The following STARD13 variants were observed in gnomAD, a reference collection of about 807,000 sequenced individuals.
STARD13 encodes the protein stAR-related lipid transfer protein 13.
In STARD13, 62 loss-of-function variants were observed where a neutral mutation model predicts 106.4. The ratio of observed to expected loss-of-function variants is 0.58; its 90% CI spans 0.48 to 0.72. STARD13 has a LOEUF of 0.72. Among genes scored for constraint, STARD13 ranks in the 30% least tolerant of loss-of-function variants. STARD13 has a pLI of 0.00. For missense variants in STARD13, 1,387 were observed against 1,424.0 expected (o/e 0.97, Z 0.42); for synonymous variants, 565 against 553.0 (o/e 1.02, Z -0.31).
At chr13:33,514,803 C>G in the STARD13 span, among the ~76,000 whole-genome samples, 1 of 152,078 alleles carries the variant, frequency 6.6e-6, no homozygotes, top group East Asian at 1.9e-4. Context: ...AAGGAGCCTG[C>G]CATGATGCAG....
At chr13:33,258,854 T>C (rs1890498063) in intron 1 of STARD13, among the ~76,000 whole-genome samples, 1 of 152,248 alleles carries the variant, frequency 6.6e-6, no homozygotes, top group African/African-American at 2.4e-5. Flanking sequence ...GCTCTCTCAC[T>C]GTGCTTGACT....
the STARD13 span, among the ~76,000 whole-genome samples, chr13:33,441,082 A>C: frequency 2.6e-5 from 4 of 151,960 alleles, no homozygotes; most frequent in African/African-American, 9.7e-5. Context: ...GTCTTGGTGA[A>C]TGGTGTTTCC....
At chr13:33,564,265 G>A in the STARD13 span, among the ~76,000 whole-genome samples, 20,122 of 140,594 alleles carry the variant, frequency 0.14, 3,686 homozygotes, top group East Asian at 0.33. Context: ...AATAAGATAT[G>A]CAAATGGCCA....
At chr13:33,163,699 CATATATATAAAACATATATATAACAT>C (rs1594012399) in intron 3 of STARD13, among the ~76,000 whole-genome samples, 1 of 95,420 alleles carries the variant, frequency 1.0e-5, no homozygotes, top group Non-Finnish European at 2.0e-5. Flanking sequence ...ATATATATAA[CATATATATAAAACATATATATAACAT>C]ATATAAAACA....
chr13:33,315,884 A>G (rs147686324), intron 1 of STARD13, among the ~76,000 whole-genome samples: 10 of 152,244 alleles, frequency 6.6e-5, no homozygotes, highest in African/African-American at 2.4e-4. Flanking sequence ...TTGCTATCCA[A>G]GAACCAGCAT....
chr13:33,560,214 A>G, the STARD13 span, among the ~76,000 whole-genome samples: 5 of 151,580 alleles, frequency 3.3e-5, no homozygotes, highest in Admixed American at 3.3e-4. Context: ...TACAAGCAGG[A>G]CATTAAATAT....
intron 1 of STARD13, among the ~76,000 whole-genome samples, chr13:33,217,331 T>A (rs1049752153): frequency 4.6e-5 from 7 of 152,330 alleles, no homozygotes; most frequent in South Asian, 4.1e-4. Context: ...TGCCCCACCC[T>A]TGTGACTCCA....
At chr13:33,303,172 T>G (rs1252020348) in intron 1 of STARD13, among the ~76,000 whole-genome samples, 2 of 152,146 alleles carry the variant, frequency 1.3e-5, no homozygotes, top group Admixed American at 1.3e-4. Flanking sequence ...TCCTCCTCAT[T>G]CCCATGAAAC....
the STARD13 span, among the ~76,000 whole-genome samples, chr13:33,514,439 G>A: frequency 1.3e-5 from 2 of 152,124 alleles, no homozygotes; most frequent in Non-Finnish European, 2.9e-5. Context: ...TTGTTACCTA[G>A]TTATCTAGTT....
the STARD13 span, among the ~76,000 whole-genome samples, chr13:33,545,731 C>T: frequency 6.6e-6 from 1 of 152,150 alleles, no homozygotes; most frequent in Non-Finnish European, 1.5e-5. Flanking sequence ...GCACCTCCCT[C>T]CTATCGATTT....
chr13:33,288,592 A>ATTT (rs1566120256), upstream of STARD13, among the ~76,000 whole-genome samples: 23 of 151,776 alleles, frequency 1.5e-4, no homozygotes, highest in African/African-American at 4.6e-4. Context: ...TTTTTTTTTA[A>ATTT]AAAAAGGGAA....
At chr13:33,196,653 C>T (rs1018457940) in intron 1 of STARD13, among the ~76,000 whole-genome samples, 10 of 152,192 alleles carry the variant, frequency 6.6e-5, no homozygotes, top group Admixed American at 1.3e-4. Flanking sequence ...CATTGCTTAT[C>T]TTTAACCAAA....
At chr13:33,252,782 A>C (rs983723151) in intron 1 of STARD13, among the ~76,000 whole-genome samples, 1 of 152,206 alleles carries the variant, frequency 6.6e-6, no homozygotes, top group African/African-American at 2.4e-5. Context: ...CTTTTCCAAT[A>C]AAATTGGATT....
chr13:33,375,977 C>CTTA, the STARD13 span, among the ~76,000 whole-genome samples: 1 of 152,068 alleles, frequency 6.6e-6, no homozygotes, highest in African/African-American at 2.4e-5. Flanking sequence ...GTTTTGACCA[C>CTTA]ATTACTTAAT....
At chr13:33,441,243 A>G in the STARD13 span, among the ~76,000 whole-genome samples, 1,413 of 152,282 alleles carry the variant, frequency 9.3e-3, 8 homozygotes, top group South Asian at 0.015. Flanking sequence ...ACATTCAGGT[A>G]ATACCTAGAA....
the STARD13 span, among the ~76,000 whole-genome samples, chr13:33,549,325 A>G: frequency 6.6e-6 from 1 of 152,250 alleles, no homozygotes; most frequent in East Asian, 1.9e-4. Flanking sequence ...ACATTCTCTC[A>G]TAAAAATAAA....
Position 33,112,855 on chromosome 13 carries a change from C to A in STARD13, c.2358G>T (p.Leu786=). The A allele has an allele frequency of 6.2e-7, 1 of 1,614,112 alleles. No homozygotes were observed. Among genetic ancestry groups the A allele is most frequent in the Non-Finnish European group, 8.5e-7 (1 of 1,179,972 alleles). Residue 786 remains leucine, a synonymous_variant, in exon 9 of 14, where the codon CTG becomes CTT. Coordinates refer to ENST00000336934, the MANE Select transcript of STARD13 (RefSeq NM_178006.4). ...LLLADENREV[L]QTLLCFLNDV... is the part of the protein sequence containing the mutation. ...CGTTCAGGAAACACAAGAGCGTCTG[C>A]AGGACCTCCCTGTTCTCATCGGCCA...
chr13:33,376,520 G>T, the STARD13 span, among the ~76,000 whole-genome samples: 2 of 151,982 alleles, frequency 1.3e-5, no homozygotes, highest in Admixed American at 1.3e-4. Context: ...AGGAGGCTGA[G>T]GATCACTTGA....
the STARD13 span, among the ~76,000 whole-genome samples, chr13:33,390,858 T>G: frequency 6.6e-6 from 1 of 152,284 alleles, no homozygotes; most frequent in African/African-American, 2.4e-5. Context: ...AAAATCTCTG[T>G]GTCCCTTTTC....
Sources: allele counts gnomAD v4.1 joint callset (sites outside exome capture counted in the v4.1 genomes callset), GRCh38; gene constraint gnomAD v4.1.1; transcripts MANE v1.5; gene names NCBI Gene and HGNC (gene_info 2026-07-23, HGNC 2026-07-21).